The following NBEAL1 variants were observed in gnomAD, a reference collection of about 807,000 sequenced individuals.
NBEAL1 encodes the protein neurobeachin like 1.
In NBEAL1, 273 loss-of-function variants were observed where a neutral mutation model predicts 351.3. The ratio of observed to expected loss-of-function variants is 0.78; its 90% CI spans 0.70 to 0.86. The LOEUF is 0.86. NBEAL1 is among the 40% of genes least tolerant of loss of function. The probability of loss-of-function intolerance (pLI) is 0.00; values close to 1 mark genes in which losing one functional copy is unlikely to be tolerated. For missense variants in NBEAL1, 2,961 were observed against 3,201.3 expected (o/e 0.92, Z 1.81); for synonymous variants, 1,050 against 1,086.4 (o/e 0.97, Z 0.66).
chr2:203,175,339 A>G, intron 42 of NBEAL1, 52 bp downstream of exon 42: 1 of 1,579,460 alleles, frequency 6.3e-7, no homozygotes, highest in East Asian at 2.2e-5. Flanking sequence ...AGTGTTGAAA[A>G]CTGTTTGCCT....
At chr2:203,207,504 A>G (rs539174194) in intron 51 of NBEAL1, among the ~76,000 whole-genome samples, 46 of 152,336 alleles carry the variant, frequency 3.0e-4, no homozygotes, top group Middle Eastern at 6.8e-3. Flanking sequence ...GAGAAATCGG[A>G]TGGTTGCCGT....
chr2:203,065,966 T>C (rs2061578693), intron 6 of NBEAL1, among the ~76,000 whole-genome samples: 1 of 152,254 alleles, frequency 6.6e-6, no homozygotes. Context: ...TTTTTAGCTC[T>C]ACTAAGTTAT....
intron 6 of NBEAL1, among the ~76,000 whole-genome samples, chr2:203,063,568 A>C (rs891116111): frequency 2.0e-5 from 3 of 151,906 alleles, no homozygotes; most frequent in Non-Finnish European, 4.4e-5. Context: ...AGAAGAAAGG[A>C]AGAAAAGAAG....
chr2:203,102,474 A>G (rs142013255), intron 12 of NBEAL1, among the ~76,000 whole-genome samples: 14,082 of 152,192 alleles, frequency 0.093, 767 homozygotes, highest in Non-Finnish European at 0.13. Context: ...ATTTTGAAGT[A>G]TGTTCCTTCA....
chr2:203,167,508 T>C (rs943305703), intron 38 of NBEAL1, 148 bp downstream of exon 38: 2 of 810,402 alleles, frequency 2.5e-6, no homozygotes, highest in South Asian at 5.4e-5. Context: ...AATCAGTGTA[T>C]GAATTTTTGT....
Position 203,125,462 on chromosome 2 carries a change from T to C in NBEAL1, c.2793T>C (p.Pro931=). ...IPEEKNESTV[P]ESVTPVEGDW... is the part of the protein sequence containing the mutation. The stretch of plus-strand genomic sequence containing the variant: ...AAGAAAAGAATGAAAGCACAGTTCC[T>C]GAATCAGTAACACCTGTTGAAGGAG... The change falls in exon 20 of 56, where the codon CCT becomes CCC. Residue 931 remains proline, a synonymous_variant. Transcript: ENST00000683969. 6.5e-7 allele frequency: 1 copy of C among 1,546,370 alleles called. No homozygotes were observed. The highest frequency in any genetic ancestry group is 8.7e-7 in the Non-Finnish European group (1 of 1,144,758).
chr2:203,159,167 C>G (rs1382419531), intron 36 of NBEAL1, among the ~76,000 whole-genome samples: 2 of 152,174 alleles, frequency 1.3e-5, no homozygotes, highest in African/African-American at 4.8e-5. Context: ...TTGCCACAAA[C>G]TCTCTGTTTC....
intron 48 of NBEAL1, among the ~76,000 whole-genome samples, chr2:203,197,614 T>C (rs1456806704): frequency 6.6e-6 from 1 of 152,014 alleles, no homozygotes; most frequent in East Asian, 1.9e-4. Flanking sequence ...TCTGAAAAGA[T>C]ATATAAAAAT....
rs770042575 is a variant in NBEAL1 at position 203,138,737 on chromosome 2, G to A, written c.4837G>A (p.Gly1613Ser). 5.6e-6 allele frequency: 9 copies of A among 1,610,154 alleles called. No individual in the cohort carries two copies. The highest frequency in any genetic ancestry group is 6.8e-6 in the Non-Finnish European group (8 of 1,178,800). Residue 1613 changes from glycine (G) to serine (S), a missense_variant, in exon 31 of 56, where the codon GGT (glycine) becomes AGT (serine). By Grantham distance (56) the Gly-to-Ser change is moderately conservative. Transcript: ENST00000683969. ...GTTGCTTCTAGGATTCATTGGAAGG[G>A]GTAATTTGCAGGTTTGTCCATTCTT... ...IQLLLGFIGRGNLQVCAMASA... is the reference protein window; with the variant it reads ...IQLLLGFIGRSNLQVCAMASA...
intron 53 of NBEAL1, among the ~76,000 whole-genome samples, chr2:203,210,005 A>G (rs2065734877): frequency 6.6e-6 from 1 of 151,346 alleles, no homozygotes; most frequent in Non-Finnish European, 1.5e-5. Flanking sequence ...CCTGCTTTGG[A>G]CTCCCAAAGC....
chr2:203,030,779 C>T (rs1326474594), intron 2 of NBEAL1, among the ~76,000 whole-genome samples: 1 of 152,120 alleles, frequency 6.6e-6, no homozygotes, highest in Non-Finnish European at 1.5e-5. Context: ...GTAGTCCCAG[C>T]ACTTTGGGAG....
chr2:203,211,322 C>T (rs1369152494), intron 54 of NBEAL1, among the ~76,000 whole-genome samples: 2 of 151,860 alleles, frequency 1.3e-5, no homozygotes, highest in African/African-American at 4.8e-5. Flanking sequence ...GAAAATTTTA[C>T]ATTATATATA....
rs2065935717 is a variant in NBEAL1, at chr2:203,219,781, C to T, written c.*2427C>T. On this transcript the variant is annotated 3_prime_UTR_variant, in exon 56 of 56. Transcript: ENST00000683969. ...AGCAGCGCAGGAGAATCACTTAAAC[C>T]CGGGAGGTGGAGGTTGCAGTGACCT... 1 of 152,036 alleles carries T rather than the reference C, an allele frequency of 6.6e-6. No homozygotes were observed. Among genetic ancestry groups the T allele is most frequent in the Admixed American group, 6.5e-5 (1 of 15,268 alleles). 9.4% of individuals were successfully genotyped at this position (152,036 alleles called of 1,614,324 possible).
chr2:203,115,474 T>A (rs11904071), intron 17 of NBEAL1, among the ~76,000 whole-genome samples: 25,802 of 152,080 alleles, frequency 0.17, 2,644 homozygotes, highest in East Asian at 0.52. Context: ...CTCACTCTGT[T>A]GCTGAGGACA....
intron 44 of NBEAL1, among the ~76,000 whole-genome samples, chr2:203,187,822 G>A (rs1280123772): frequency 6.6e-6 from 1 of 152,060 alleles, no homozygotes; most frequent in Non-Finnish European, 1.5e-5. Flanking sequence ...TCTGAAAGAA[G>A]CCAAATGGCA....
At position 203,036,139 on chromosome 2, in the gene NBEAL1, G is replaced by A. The variant is rs756887715; in HGVS notation, c.52-5626G>A. ...TTAGTAAATAAATACTGTACAAATG[G>A]CAAGATAGGCCAGACGCTGGTGTTT... On this transcript the variant is annotated intron_variant, in intron 2 of 55. Transcript: ENST00000683969. 4.0e-5 allele frequency among the ~76,000 whole-genome samples: 6 copies of A among 149,114 alleles called. 1 individual carries two copies. Among genetic ancestry groups the A allele is most frequent in the Non-Finnish European group, 6.0e-5 (4 of 66,464 alleles).
intron 10 of NBEAL1, among the ~76,000 whole-genome samples, chr2:203,088,072 C>G (rs1372692873): frequency 1.3e-5 from 2 of 152,240 alleles, no homozygotes; most frequent in East Asian, 3.9e-4. Flanking sequence ...CATGTTTACT[C>G]TATAGCTAGT....
intron 44 of NBEAL1, among the ~76,000 whole-genome samples, chr2:203,185,013 A>G (rs1170798543): frequency 2.0e-5 from 3 of 152,204 alleles, no homozygotes; most frequent in Non-Finnish European, 4.4e-5. Context: ...AGGATTTTTA[A>G]AGGTAAAGTG....
intron 36 of NBEAL1, among the ~76,000 whole-genome samples, chr2:203,164,742 G>A (rs1375282425): frequency 6.6e-6 from 1 of 152,050 alleles, no homozygotes; most frequent in Non-Finnish European, 1.5e-5. Context: ...AATAAAATTA[G>A]ACTTAGTCAT....
Sources: allele counts gnomAD v4.1 joint callset (sites outside exome capture counted in the v4.1 genomes callset), GRCh38; gene constraint gnomAD v4.1.1; transcripts MANE v1.5; gene names NCBI Gene and HGNC (gene_info 2026-07-23, HGNC 2026-07-21).